PCDH15: variants seen among roughly 807,000 people sequenced by gnomAD.
PCDH15 encodes protocadherin related 15.
Under a neutral mutation model 178.5 loss-of-function variants are expected in PCDH15, and 129 were observed. The ratio of observed to expected loss-of-function variants is 0.72; its 90% CI spans 0.63 to 0.84. The LOEUF (loss-of-function observed/expected upper bound fraction) is 0.84. Ranked by LOEUF, PCDH15 falls within the 40% of genes least tolerant of loss-of-function variation. The pLI is 0.00. For synonymous variants in PCDH15, 800 were observed against 732.0 expected (o/e 1.09, Z -1.50); for missense variants, 2,230 against 2,099.9 (o/e 1.06, Z -1.21).
intron 3 of PCDH15, among the ~76,000 whole-genome samples, chr10:54,381,712 C>A (rs1422552271): frequency 6.6e-6 from 1 of 151,940 alleles, no homozygotes; most frequent in Non-Finnish European, 1.5e-5. Flanking sequence ...CCTGAGTAGG[C>A]CTGTCTTGCA....
chr10:53,940,471 C>T (rs545377242), intron 24 of PCDH15, among the ~76,000 whole-genome samples: 3 of 152,186 alleles, frequency 2.0e-5, no homozygotes, highest in South Asian at 4.1e-4. Flanking sequence ...TAAGGTATGA[C>T]CAACATGGAG....
Position 54,385,947 on chromosome 10 carries a change from T to C in PCDH15, c.158-7005A>G, listed in dbSNP as rs530406317. ...AAATGTTTCACCTCCTTGGTTAAAT[T>C]GATTCCTTTGTGTTTTATTCTTTTT... On this transcript the variant is annotated intron_variant, in intron 3 of 37. Transcript: ENST00000644397. Among the ~76,000 whole-genome samples, 3 of 152,276 alleles carry C rather than the reference T, an allele frequency of 2.0e-5. No individual in the cohort carries two copies. The South Asian group carries it at 6.2e-4, about 32-fold the overall frequency.
At chr10:55,602,577 A>G (rs1047501266) in intron 2 of PCDH15, among the ~76,000 whole-genome samples, 2 of 151,974 alleles carry the variant, frequency 1.3e-5, no homozygotes, top group Non-Finnish European at 2.9e-5. Context: ...TGGGTCCCTG[A>G]CCGCTGACCC....
intron 3 of PCDH15, among the ~76,000 whole-genome samples, chr10:54,838,751 C>A (rs1318273434): frequency 6.6e-6 from 1 of 152,110 alleles, no homozygotes; most frequent in African/African-American, 2.4e-5. Flanking sequence ...TAGAGGCAGG[C>A]CTGTCAATCT....
chr10:53,857,598 AC>A (rs985292970), intron 27 of PCDH15, among the ~76,000 whole-genome samples: 1 of 152,008 alleles, frequency 6.6e-6, no homozygotes, highest in Non-Finnish European at 1.5e-5. Flanking sequence ...GTTAAGGAAC[AC>A]CCAAGATAAT....
intron 3 of PCDH15, among the ~76,000 whole-genome samples, chr10:54,896,989 C>T (rs1034828127): frequency 3.9e-5 from 6 of 152,096 alleles, no homozygotes; most frequent in Non-Finnish European, 8.8e-5. Context: ...CTTACTATAA[C>T]CCAAATTCAG....
chr10:54,434,176 A>G (rs2075222129), intron 3 of PCDH15, among the ~76,000 whole-genome samples: 2 of 152,258 alleles, frequency 1.3e-5, no homozygotes, highest in Admixed American at 1.3e-4. Flanking sequence ...AAATGTTATT[A>G]CAAAAGAGTC....
chr10:53,938,787 G>A (rs936875805), intron 25 of PCDH15, 28 bp downstream of exon 25: 1 of 1,607,920 alleles, frequency 6.2e-7, no homozygotes, highest in Non-Finnish European at 8.5e-7. Context: ...ATACAATTCT[G>A]GTAAAAGCTT....
intron 18 of PCDH15, among the ~76,000 whole-genome samples, chr10:54,052,301 C>A (rs1457151621): frequency 1.3e-5 from 2 of 152,140 alleles, no homozygotes; most frequent in Non-Finnish European, 2.9e-5. Flanking sequence ...AATGGCAGCC[C>A]ATGAAAGCAG....
chr10:54,403,165 T>C (rs1952156600), intron 3 of PCDH15, among the ~76,000 whole-genome samples: 2 of 151,974 alleles, frequency 1.3e-5, no homozygotes, highest in South Asian at 4.1e-4. Context: ...CAAGACACAA[T>C]ATTTTCTTAA....
intron 1 of PCDH15, among the ~76,000 whole-genome samples, chr10:54,696,367 C>T (rs78060085): frequency 0.08 from 12,100 of 152,068 alleles, 539 homozygotes; most frequent in South Asian, 0.15. Context: ...AAATGAGCAA[C>T]TGTTTTGTGT....
chr10:54,541,971 T>A (rs2085285221), intron 2 of PCDH15, among the ~76,000 whole-genome samples: 1 of 152,208 alleles, frequency 6.6e-6, no homozygotes, highest in Non-Finnish European at 1.5e-5. Context: ...ACAAGACAGT[T>A]ATGTGTACTT....
At chr10:55,368,949 T>G (rs1016448897) in intron 2 of PCDH15, among the ~76,000 whole-genome samples, 1 of 150,830 alleles carries the variant, frequency 6.6e-6, no homozygotes, top group Non-Finnish European at 1.5e-5. Context: ...CCAAAGTGTC[T>G]TTATAAAATC....
chr10:54,756,175 G>A (rs7899814), intron 1 of PCDH15, among the ~76,000 whole-genome samples: 54,184 of 151,522 alleles, frequency 0.36, 9,946 homozygotes, highest in Middle Eastern at 0.46. Context: ...GTTTGAGCCC[G>A]GGAGGCAGAG....
intron 2 of PCDH15, among the ~76,000 whole-genome samples, chr10:54,964,676 G>A (rs766825160): frequency 3.3e-5 from 5 of 152,152 alleles, no homozygotes; most frequent in Non-Finnish European, 5.9e-5. Flanking sequence ...ACAAAATTAT[G>A]TTAATAATAT....
chr10:54,901,763 T>C (rs1954643057), intron 2 of PCDH15, among the ~76,000 whole-genome samples: 1 of 152,166 alleles, frequency 6.6e-6, no homozygotes, highest in South Asian at 2.1e-4. Context: ...AAGATCCCTA[T>C]TGCCTCTTTT....
At chr10:54,820,723 A>C (rs1953023967) in intron 3 of PCDH15, among the ~76,000 whole-genome samples, 1 of 152,042 alleles carries the variant, frequency 6.6e-6, no homozygotes, top group South Asian at 2.1e-4. Flanking sequence ...ACATCTACAG[A>C]GGATCAGTAA....
chr10:55,282,625 C>T (rs1369941795), intron 1 of PCDH15, among the ~76,000 whole-genome samples: 1 of 152,032 alleles, frequency 6.6e-6, no homozygotes, highest in Non-Finnish European at 1.5e-5. Flanking sequence ...AAAGAAGTTA[C>T]AGTTTATGTT....
At chr10:53,962,065 C>A (rs896619617) in intron 21 of PCDH15, among the ~76,000 whole-genome samples, 173 bp from the exon 22 acceptor site, 3 of 114,112 alleles carry the variant, frequency 2.6e-5, no homozygotes, top group Admixed American at 1.1e-4. Context: ...TTCATGATAA[C>A]TCAATCTGAA....
Sources: allele counts gnomAD v4.1 joint callset (sites outside exome capture counted in the v4.1 genomes callset), GRCh38; gene constraint gnomAD v4.1.1; transcripts MANE v1.5; gene names NCBI Gene and HGNC (gene_info 2026-07-23, HGNC 2026-07-21).